DLGAP2: variants seen among roughly 807,000 people sequenced by gnomAD.
DLGAP2 encodes disks large-associated protein 2.
In DLGAP2, 26 loss-of-function variants were observed where a neutral mutation model predicts 100.3. The ratio of observed to expected loss-of-function variants is 0.26; its 90% CI spans 0.19 to 0.36. The LOEUF is 0.36. Ranked by LOEUF, DLGAP2 falls within the 10% of genes least tolerant of loss-of-function variation. The pLI, the probability that DLGAP2 is intolerant of heterozygous loss-of-function variation, is 1.00. For synonymous variants in DLGAP2, 886 were observed against 630.1 expected (o/e 1.41, Z -6.08); for missense variants, 1,858 against 1,453.2 (o/e 1.28, Z -4.53).
chr8:875,401 A>G (rs1563074485), intron 1 of DLGAP2, among the ~76,000 whole-genome samples: 3 of 152,156 alleles, frequency 2.0e-5, no homozygotes, highest in African/African-American at 4.8e-5. Flanking sequence ...GTGAGAGGTA[A>G]TTGAATCATG....
intron 4 of DLGAP2, among the ~76,000 whole-genome samples, chr8:1,532,238 C>T (rs954126345): frequency 6.6e-6 from 1 of 152,142 alleles, no homozygotes; most frequent in Non-Finnish European, 1.5e-5. Context: ...TCTCACATAA[C>T]ATGGGGGAGG....
chr8:1,424,683 G>C (rs1337528373), intron 3 of DLGAP2, among the ~76,000 whole-genome samples: 1 of 152,234 alleles, frequency 6.6e-6, no homozygotes, highest in Non-Finnish European at 1.5e-5. Context: ...ACAGCACCTG[G>C]AGGAGTCAGA....
At chr8:1,424,338 A>G (rs1014858781) in intron 3 of DLGAP2, among the ~76,000 whole-genome samples, 5 of 152,226 alleles carry the variant, frequency 3.3e-5, no homozygotes, top group African/African-American at 1.2e-4. Flanking sequence ...AGGGCCCACT[A>G]TGAGCCAAGC....
intron 2 of DLGAP2, among the ~76,000 whole-genome samples, chr8:1,254,961 T>TCTCTCCTGCCCGGGTGCTGTGTGTGTGC (rs1799145111): frequency 1.8e-5 from 1 of 54,474 alleles, no homozygotes; most frequent in African/African-American, 1.5e-4. Flanking sequence ...TGTGTGTGTG[T>TCTCTCCTGCCCGGGTGCTGTGTGTGTGC]CCTCTCATCC....
chr8:886,472 A>G (rs761320063), intron 1 of DLGAP2, among the ~76,000 whole-genome samples: 47 of 152,222 alleles, frequency 3.1e-4, no homozygotes, highest in Middle Eastern at 6.8e-3. Context: ...TGGGGTGTCT[A>G]TCTGACATCT....
At position 1,283,978 on chromosome 8, in the gene DLGAP2, G is replaced by A. The variant is rs554672983; in HGVS notation, c.106+25095G>A. Among the ~76,000 whole-genome samples the A allele has an allele frequency of 2.6e-5, 4 of 152,304 alleles. No homozygotes were observed. The East Asian group carries it at 5.8e-4, about 22-fold the overall frequency. ...AACGTTCAAAGTGATTGTCATTCAC[G>A]ACGGAGTTCTAGATGCCTATTATCT... is the stretch of plus-strand genomic sequence containing the variant. On this transcript the variant is annotated intron_variant, in intron 3 of 14. Transcript: ENST00000637795.
chr8:1,169,678 CTGTT>C (rs1463232359), intron 2 of DLGAP2, among the ~76,000 whole-genome samples: 7 of 152,034 alleles, frequency 4.6e-5, no homozygotes, highest in South Asian at 4.2e-4. Context: ...GTTTGGCTCT[CTGTT>C]TGTCTGTTGT....
At chr8:1,196,805 G>A (rs1215676957) in intron 2 of DLGAP2, among the ~76,000 whole-genome samples, 6 of 152,112 alleles carry the variant, frequency 3.9e-5, no homozygotes, top group Admixed American at 3.9e-4. Flanking sequence ...ATGAGCCAGG[G>A]GCGGTAACTG....
At chr8:923,469 G>A (rs1798754995) in intron 2 of DLGAP2, among the ~76,000 whole-genome samples, 1 of 152,364 alleles carries the variant, frequency 6.6e-6, no homozygotes, top group Admixed American at 6.5e-5. Context: ...CCGCCCAGGA[G>A]CTGGAGATGC....
At chr8:1,293,083 G>A (rs891712833) in intron 3 of DLGAP2, among the ~76,000 whole-genome samples, 3 of 152,134 alleles carry the variant, frequency 2.0e-5, no homozygotes, top group African/African-American at 7.2e-5. Context: ...CACAAGTGGG[G>A]GAGAAAGGGG....
At chr8:1,269,804 T>C (rs1372446478) in intron 3 of DLGAP2, among the ~76,000 whole-genome samples, 3 of 152,186 alleles carry the variant, frequency 2.0e-5, no homozygotes, top group Non-Finnish European at 4.4e-5. Flanking sequence ...TGACATTGTA[T>C]TTTTAAAGCT....
chr8:1,029,930 G>T (rs1440255944), intron 2 of DLGAP2, among the ~76,000 whole-genome samples: 1 of 152,146 alleles, frequency 6.6e-6, no homozygotes, highest in African/African-American at 2.4e-5. Flanking sequence ...GGAAAAGGAG[G>T]GTGTGGTTGG....
At chr8:875,144 A>G (rs1009826651) in intron 1 of DLGAP2, among the ~76,000 whole-genome samples, 108 of 152,302 alleles carry the variant, frequency 7.1e-4, no homozygotes, top group African/African-American at 2.6e-3. Flanking sequence ...TTTAATCTTT[A>G]AAGTGTATCT....
chr8:1,135,749 A>G (rs1419335442), intron 2 of DLGAP2, among the ~76,000 whole-genome samples: 1 of 152,148 alleles, frequency 6.6e-6, no homozygotes, highest in Non-Finnish European at 1.5e-5. Flanking sequence ...ACCGATGCAG[A>G]GGATGGCCAC....
intron 3 of DLGAP2, among the ~76,000 whole-genome samples, chr8:1,365,834 G>A (rs930926047): frequency 3.9e-5 from 6 of 152,346 alleles, no homozygotes; most frequent in African/African-American, 9.6e-5. Context: ...CTGGGGGGCC[G>A]CAGCTCAGAC....
At chr8:1,330,793 G>A (rs950165938) in intron 3 of DLGAP2, among the ~76,000 whole-genome samples, 5 of 139,952 alleles carry the variant, frequency 3.6e-5, no homozygotes, top group African/African-American at 5.7e-5. Flanking sequence ...TGGGAGCACT[G>A]CTTCACGGGG....
At chr8:845,798 C>A (rs1256600525) in intron 1 of DLGAP2, among the ~76,000 whole-genome samples, 1 of 152,140 alleles carries the variant, frequency 6.6e-6, no homozygotes, top group Non-Finnish European at 1.5e-5. Flanking sequence ...TTTGCTGTTA[C>A]ATTTAGGTCT....
chr8:1,644,243 T>A (rs34892587), intron 8 of DLGAP2, among the ~76,000 whole-genome samples: 1 of 151,992 alleles, frequency 6.6e-6, no homozygotes, highest in Non-Finnish European at 1.5e-5. Context: ...ACATTCTTGC[T>A]AAAAAGGCAG....
intron 2 of DLGAP2, among the ~76,000 whole-genome samples, chr8:1,169,714 A>G (rs1233295598): frequency 6.6e-6 from 1 of 151,642 alleles, no homozygotes; most frequent in Non-Finnish European, 1.5e-5. Flanking sequence ...AATGCTTGTG[A>G]TTTTTGTACA....
Sources: gnomAD v4.1 joint callset for allele counts (sites outside exome capture counted in the v4.1 genomes callset) on GRCh38, gnomAD v4.1.1 for gene constraint, MANE v1.5 for transcripts, NCBI Gene and HGNC (gene_info 2026-07-23, HGNC 2026-07-21) for gene names.